Variants in SSBP4 observed in about 807,000 individuals in gnomAD.
The protein encoded by SSBP4 is single-stranded DNA-binding protein 4.
SSBP4 carries 33 observed loss-of-function variants against 64.6 expected under a neutral mutation model. That is an observed-to-expected ratio of 0.51 (90% CI 0.39 to 0.68). The LOEUF (loss-of-function observed/expected upper bound fraction) is 0.68. SSBP4 is among the 30% of genes least tolerant of loss of function. The probability of loss-of-function intolerance (pLI) is 0.00; values close to 1 mark genes in which losing one functional copy is unlikely to be tolerated. For synonymous variants in SSBP4, 243 were observed against 224.0 expected (o/e 1.08, Z -0.76); for missense variants, 583 against 566.8 (o/e 1.03, Z -0.29).
chr19:18,420,296 G>A (rs1315352734), intron 1 of SSBP4, among the ~76,000 whole-genome samples: 1 of 152,174 alleles, frequency 6.6e-6, no homozygotes, highest in African/African-American at 2.4e-5. Flanking sequence ...GGCGGGTGGG[G>A]ACGACGGAGC....
chr19:18,416,820 G>T (rs978233837), upstream of SSBP4, among the ~76,000 whole-genome samples: 1 of 152,088 alleles, frequency 6.6e-6, no homozygotes, highest in Non-Finnish European at 1.5e-5. Context: ...CGTCCTTCGC[G>T]TGGGTGGGGG....
chr19:18,410,511 G>A, the SSBP4 span, among the ~76,000 whole-genome samples: 1 of 152,162 alleles, frequency 6.6e-6, no homozygotes, highest in African/African-American at 2.4e-5. Flanking sequence ...AGATGCGCAG[G>A]GAGGAGTTCA....
At chr19:18,422,949 T>C (rs1012243075) in intron 1 of SSBP4, among the ~76,000 whole-genome samples, 1 of 152,232 alleles carries the variant, frequency 6.6e-6, no homozygotes, top group Non-Finnish European at 1.5e-5. Flanking sequence ...CTGGCTGCCC[T>C]TGGAGCCTAC....
At chr19:18,429,540 T>C (rs1324596507) in intron 4 of SSBP4, among the ~76,000 whole-genome samples, 1 of 151,092 alleles carries the variant, frequency 6.6e-6, no homozygotes, top group African/African-American at 2.4e-5. Context: ...CGTGAGGGGA[T>C]TGCCCTCCCT....
At chr19:18,430,434 C>T (rs1299016456) in intron 4 of SSBP4, among the ~76,000 whole-genome samples, 2 of 152,112 alleles carry the variant, frequency 1.3e-5, no homozygotes, top group African/African-American at 2.4e-5. Context: ...CCCTCCTGGA[C>T]GAAGGGCAGG....
At chr19:18,428,765 G>T (rs1973062559) in intron 4 of SSBP4, among the ~76,000 whole-genome samples, 1 of 152,168 alleles carries the variant, frequency 6.6e-6, no homozygotes, top group Admixed American at 6.5e-5. Context: ...CCATGTCTCT[G>T]AAGATGCCTC....
At chr19:18,433,874 G>T (rs1263005463) in intron 17 of SSBP4, 57 bp downstream of exon 17, 1 of 1,300,086 alleles carries the variant, frequency 7.7e-7, no homozygotes, top group South Asian at 2.2e-5. Context: ...GGGGCTGGCG[G>T]GCAGGCCCCG....
chr19:18,408,592 A>T, the SSBP4 span, among the ~76,000 whole-genome samples: 1 of 151,308 alleles, frequency 6.6e-6, no homozygotes, highest in Non-Finnish European at 1.5e-5. Context: ...CCCCAGGTTC[A>T]AGTGATTCTC....
intron 9 of SSBP4, 32 bp from the exon 10 acceptor site, chr19:18,432,115 G>T: frequency 6.2e-7 from 1 of 1,609,520 alleles, no homozygotes; most frequent in Non-Finnish European, 8.5e-7. Context: ...GCTGTCCCCG[G>T]TCTACCCCTC....
the SSBP4 span, among the ~76,000 whole-genome samples, chr19:18,413,269 C>T: frequency 1.3e-5 from 2 of 150,780 alleles, no homozygotes; most frequent in Non-Finnish European, 2.9e-5. Flanking sequence ...AGTGCAATGG[C>T]ACAATCTCAG....
Position 18,434,300 on chromosome 19 carries a change from T to A in SSBP4, c.*54T>A. 1 of 1,604,378 alleles carries A rather than the reference T, an allele frequency of 6.2e-7. No homozygotes were observed. Among genetic ancestry groups the A allele is most frequent in the Non-Finnish European group, 8.5e-7 (1 of 1,176,232 alleles). On this transcript the variant is annotated 3_prime_UTR_variant, in exon 18 of 18. Coordinates refer to ENST00000270061, the MANE Select transcript of SSBP4 (RefSeq NM_032627.5). The stretch of plus-strand genomic sequence containing the variant: ...GGCCTAGGCTTCTGCCCAGCGCCCC[T>A]GCTCAGGGCGAGGGGCTGAGGTCAC...
rs770306820 is a variant in SSBP4 at position 18,431,732 on chromosome 19, G to C, written c.495+26G>C. 1.0e-5 allele frequency: 16 copies of C among 1,543,550 alleles called. No individual in the cohort carries two copies. In the East Asian group the frequency reaches 3.7e-4, roughly 35 times the overall value. On this transcript the variant is annotated intron_variant, in intron 7 of 17. Transcript: ENST00000270061. ...GTGAGAAAGGGATGAGGGGAGGGCG[G>C]GCAGGAGCTGGGCCGGGGAGGGAGC...
chr19:18,405,974 G>A, the SSBP4 span, among the ~76,000 whole-genome samples: 9 of 148,464 alleles, frequency 6.1e-5, no homozygotes, highest in South Asian at 1.9e-3. Context: ...CTGGGTGACA[G>A]AGCAAGACTC....
chr19:18,422,194 G>A (rs1219147447), intron 1 of SSBP4, among the ~76,000 whole-genome samples: 2 of 152,132 alleles, frequency 1.3e-5, no homozygotes, highest in African/African-American at 4.8e-5. Context: ...GTGAAAGAGA[G>A]CTGGTGGCAG....
At position 18,426,484 on chromosome 19, in the gene SSBP4, A is replaced by G. The variant is rs570639592; in HGVS notation, c.60-867A>G. ...GGAGGTCCAGAAGGGCTGGTGCCAC[A>G]GGACTGGGCGACCCTTTGGATAGGG... On this transcript the variant is annotated intron_variant, in intron 1 of 17. Transcript: ENST00000270061. The surrounding 1 kb of genome is among the most constrained non-coding windows in gnomAD (Gnocchi z 4.5). Among the ~76,000 whole-genome samples, 20 of 152,320 alleles carry G rather than the reference A, an allele frequency of 1.3e-4. No individual in the cohort carries two copies. In the South Asian group the frequency reaches 2.5e-3, roughly 19 times the overall value.
intron 4 of SSBP4, among the ~76,000 whole-genome samples, chr19:18,428,881 G>T (rs1198041935): frequency 6.6e-6 from 1 of 152,198 alleles, no homozygotes; most frequent in Admixed American, 6.5e-5. Context: ...TCCTAGTCCC[G>T]CTAGATCTGG....
intron 4 of SSBP4, among the ~76,000 whole-genome samples, chr19:18,430,429 C>T (rs1217020136): frequency 1.3e-5 from 2 of 152,204 alleles, no homozygotes; most frequent in African/African-American, 2.4e-5. Flanking sequence ...ACCCTCCCTC[C>T]TGGACGAAGG....
chr19:18,420,800 C>T (rs2144679194), intron 1 of SSBP4, among the ~76,000 whole-genome samples: 1 of 150,998 alleles, frequency 6.6e-6, no homozygotes, highest in East Asian at 2.0e-4. Context: ...TGCAGTGAGC[C>T]GAGATCACGC....
rs184318766 is a variant in SSBP4, at chr19:18,430,959, C to G, written c.369+29C>G. On this transcript the variant is annotated intron_variant, in intron 5 of 17. Coordinates refer to ENST00000270061, the MANE Select transcript of SSBP4 (RefSeq NM_032627.5). ...TGGCCCCGGCTGGAGTCCACTGGCC[C>G]CCAACTCTGGCTGAACATGCGTTTG... is the stretch of plus-strand genomic sequence containing the variant. 7.5e-6 allele frequency: 12 copies of G among 1,607,080 alleles called. No homozygotes were observed. In the African/African-American group the frequency reaches 1.6e-4, roughly 21 times the overall value.
Sources: allele counts gnomAD v4.1 joint callset (sites outside exome capture counted in the v4.1 genomes callset), GRCh38; gene constraint gnomAD v4.1.1; non-coding constraint Gnocchi (gnomAD v3.1); transcripts MANE v1.5; gene names NCBI Gene and HGNC (gene_info 2026-07-23, HGNC 2026-07-21).